The following SGTB variants were observed in gnomAD, a reference collection of about 807,000 sequenced individuals.
SGTB encodes the protein small glutamine-rich tetratricopeptide repeat-containing protein beta.
A neutral mutation model predicts 43.9 loss-of-function variants in SGTB; 19 were observed. That is an observed-to-expected ratio of 0.43 (90% CI 0.30 to 0.63). The LOEUF is 0.63. Among genes scored for constraint, SGTB ranks in the 30% least tolerant of loss-of-function variants. The probability of loss-of-function intolerance (pLI) is 0.12; values close to 1 mark genes in which losing one functional copy is unlikely to be tolerated. For missense variants in SGTB, 304 were observed against 358.9 expected (o/e 0.85, Z 1.24); for synonymous variants, 116 against 117.3 (o/e 0.99, Z 0.07).
chr5:65,671,453 G>C (rs1432906249), intron 10 of SGTB, among the ~76,000 whole-genome samples: 1 of 152,114 alleles, frequency 6.6e-6, no homozygotes, highest in Non-Finnish European at 1.5e-5. Context: ...GACTGAATGT[G>C]CTATGGGTTC....
chr5:65,708,341 C>A (rs1757975442), intron 4 of SGTB, 148 bp downstream of exon 4: 1 of 606,398 alleles, frequency 1.6e-6, no homozygotes, highest in East Asian at 3.0e-5. Context: ...GCTTCTTACC[C>A]ATCACATTCA....
rs911131466 is a variant in SGTB, at chr5:65,666,219, G to C, written c.*4027C>G. ...CTGTTTTAAATCTAAAAAGTAAAAT[G>C]ATGGTCACTTGGAATCTGCTCTATA... On this transcript the variant is annotated 3_prime_UTR_variant, in exon 11 of 11. Transcript: ENST00000381007. The C allele has an allele frequency of 6.6e-6, 1 of 152,196 alleles. No individual in the cohort carries two copies. Among genetic ancestry groups the C allele is most frequent in the African/African-American group, 2.4e-5 (1 of 41,454 alleles). The allele number at this position is 152,196 out of a possible 1,614,324, so 9.4% of individuals were successfully genotyped here. A position where few individuals can be genotyped will look rare whatever the true frequency, so the allele number is the denominator to read the frequency against.
Position 65,685,430 on chromosome 5 carries a change from T to G in SGTB, c.417A>C (p.Ile139=). 1 of 1,614,184 alleles carries G rather than the reference T, an allele frequency of 6.2e-7. No individual in the cohort carries two copies. Among genetic ancestry groups the G allele is most frequent in the Non-Finnish European group, 8.5e-7 (1 of 1,180,014 alleles). ...QSKLGHYTDA[I]KDCEKAIAID... is the part of the protein sequence containing the mutation. Reference sequence around the variant, plus strand: ...TTGCTATTGCTTTTTCACAATCCTTTATCGCATCTGTGTAGTGACCTAATT... The same window carrying G: ...TTGCTATTGCTTTTTCACAATCCTTGATCGCATCTGTGTAGTGACCTAATT... Residue 139 remains isoleucine (I), a synonymous_variant, in exon 6 of 11, where the codon ATA becomes ATC. Coordinates refer to ENST00000381007, the MANE Select transcript of SGTB (RefSeq NM_019072.3).
intron 6 of SGTB, among the ~76,000 whole-genome samples, chr5:65,683,337 T>C (rs1054430505): frequency 1.3e-5 from 2 of 152,208 alleles, no homozygotes; most frequent in Non-Finnish European, 2.9e-5. Context: ...TTTTCACTAA[T>C]TGTGCATGTA....
chr5:65,699,857 A>G (rs1757780878), intron 5 of SGTB, among the ~76,000 whole-genome samples: 1 of 152,260 alleles, frequency 6.6e-6, no homozygotes, highest in Non-Finnish European at 1.5e-5. Flanking sequence ...TTACTTATCA[A>G]AAAAGCTTTA....
At position 65,666,205 on chromosome 5, in the gene SGTB, C is replaced by G. The variant is rs1356279559; in HGVS notation, c.*4041G>C. ...TCTTCTGTTTCATTCTGTTTTAAAT[C>G]TAAAAAGTAAAATGATGGTCACTTG... On this transcript the variant is annotated 3_prime_UTR_variant, in exon 11 of 11. Coordinates refer to ENST00000381007, the MANE Select transcript of SGTB (RefSeq NM_019072.3). 2.0e-5 allele frequency: 3 copies of G among 152,260 alleles called. No individual in the cohort carries two copies. Among genetic ancestry groups the G allele is most frequent in the Non-Finnish European group, 4.4e-5 (3 of 67,972 alleles). The allele number at this position is 152,260 out of a possible 1,614,324, so 9.4% of individuals were successfully genotyped here.
intron 5 of SGTB, among the ~76,000 whole-genome samples, chr5:65,690,975 G>C (rs1757595173): frequency 6.6e-6 from 1 of 152,156 alleles, no homozygotes; most frequent in African/African-American, 2.4e-5. Context: ...AAGAAATCCT[G>C]AAGTTTACAT....
At chr5:65,721,536 G>T (rs529318994) in intron 1 of SGTB, among the ~76,000 whole-genome samples, 7 of 152,272 alleles carry the variant, frequency 4.6e-5, no homozygotes, top group African/African-American at 1.7e-4. Flanking sequence ...CGGCATTCAT[G>T]GCTGATTTCC....
rs6869596 is a variant in SGTB at position 65,688,815 on chromosome 5, A to G, written c.375-3343T>C. ...CAGGATTTAATGTTAACTATTTTTA[A>G]TTTTTCTTTTTTTAGGTGGAGTCTT... On this transcript the variant is annotated intron_variant, in intron 5 of 10. Coordinates refer to ENST00000381007, the MANE Select transcript of SGTB (RefSeq NM_019072.3). Among the ~76,000 whole-genome samples the G allele has an allele frequency of 5.0e-3, 754 of 152,042 alleles. 13 individuals carry two copies. The highest frequency in any genetic ancestry group is 0.02 in the Middle Eastern group (6 of 294).
At chr5:65,674,593 A>C (rs1757227461) in intron 8 of SGTB, among the ~76,000 whole-genome samples, 1 of 152,156 alleles carries the variant, frequency 6.6e-6, no homozygotes, top group Non-Finnish European at 1.5e-5. Context: ...CTAAAACTCT[A>C]ATAGCTCTCT....
At position 65,680,484 on chromosome 5, in the gene SGTB, G is replaced by C. The variant is rs78893641; in HGVS notation, c.681+10C>G. On this transcript the variant is annotated intron_variant, in intron 8 of 10. Transcript: ENST00000381007. ...ATAGCCAGTAGAGGCAGAAAAGAAA[G>C]TATACTCACCATACTAATGAAGGCT... 3.2e-3 allele frequency: 5,139 copies of C among 1,613,892 alleles called. 150 individuals carry two copies. In the African/African-American group the frequency reaches 0.06, roughly 19 times the overall value.
intron 5 of SGTB, among the ~76,000 whole-genome samples, chr5:65,703,618 AGAGGCT>A (rs1339159154): frequency 6.6e-6 from 1 of 152,174 alleles, no homozygotes; most frequent in Non-Finnish European, 1.5e-5. Context: ...ATGTCCCAGC[AGAGGCT>A]GAGGTGGGAG....
intron 2 of SGTB, among the ~76,000 whole-genome samples, chr5:65,718,867 C>T (rs1257346959): frequency 4.6e-5 from 7 of 152,008 alleles, no homozygotes; most frequent in African/African-American, 1.2e-4. Flanking sequence ...AAAAAAAACC[C>T]TCAATTTTCT....
At chr5:65,710,560 C>T (rs1047158769) in intron 3 of SGTB, among the ~76,000 whole-genome samples, 4 of 152,156 alleles carry the variant, frequency 2.6e-5, no homozygotes, top group African/African-American at 9.7e-5. Context: ...AATATAACAA[C>T]CAAGTACACT....
intron 6 of SGTB, among the ~76,000 whole-genome samples, chr5:65,682,419 T>C (rs1757414598): frequency 6.6e-6 from 1 of 152,208 alleles, no homozygotes; most frequent in Non-Finnish European, 1.5e-5. Flanking sequence ...AGGATCTACA[T>C]GGGCAGAAGG....
chr5:65,706,166 T>C (rs1197691170), intron 4 of SGTB, among the ~76,000 whole-genome samples: 1 of 152,136 alleles, frequency 6.6e-6, no homozygotes, highest in Non-Finnish European at 1.5e-5. Flanking sequence ...GCAACAAATA[T>C]CTTTTCAAGT....
intron 10 of SGTB, among the ~76,000 whole-genome samples, chr5:65,671,390 C>T (rs1257558053): frequency 1.3e-5 from 2 of 152,216 alleles, no homozygotes; most frequent in South Asian, 2.1e-4. Context: ...AAACCAAGGA[C>T]CCTAATTTCA....
rs58825750 is a variant in SGTB, at chr5:65,708,598, C to T, written c.205-40G>A. 6,956 of 1,493,798 alleles carry T rather than the reference C, an allele frequency of 4.7e-3. 232 individuals carry two copies. In the African/African-American group the frequency reaches 0.081, roughly 17 times the overall value. The allele number at this position is 1,493,798 out of a possible 1,614,324, so 92.5% of individuals were successfully genotyped here. Reference sequence around the variant, plus strand: ...AAATCAATGCACTTCCCTTTAGCTACATAAAGAATCATCCTAGAGTACTAT... The same window carrying T: ...AAATCAATGCACTTCCCTTTAGCTATATAAAGAATCATCCTAGAGTACTAT... On this transcript the variant is annotated intron_variant, in intron 3 of 10. Transcript: ENST00000381007.
At chr5:65,713,659 C>T (rs1421974302) in intron 2 of SGTB, among the ~76,000 whole-genome samples, 1 of 152,150 alleles carries the variant, frequency 6.6e-6, no homozygotes, top group Admixed American at 6.5e-5. Context: ...AAAATGTTGT[C>T]TAGAATATAA....
Sources: gnomAD v4.1 joint callset for allele counts (sites outside exome capture counted in the v4.1 genomes callset) on GRCh38, gnomAD v4.1.1 for gene constraint, MANE v1.5 for transcripts, NCBI Gene and HGNC (gene_info 2026-07-23, HGNC 2026-07-21) for gene names.